The following CDH9 variants were observed in gnomAD, a reference collection of about 807,000 sequenced individuals.
CDH9 encodes cadherin 9.
Under a neutral mutation model 70.9 loss-of-function variants are expected in CDH9, and 28 were observed. The ratio of observed to expected loss-of-function variants is 0.40; its 90% CI spans 0.29 to 0.54. The LOEUF (loss-of-function observed/expected upper bound fraction) is 0.54, where lower values mean the gene tolerates loss of function less well. Among genes scored for constraint, CDH9 ranks in the 20% least tolerant of loss-of-function variants. The pLI is 0.59. For missense variants in CDH9, 874 were observed against 984.4 expected, an observed-to-expected ratio of 0.89 and a Z score of 1.50; for synonymous variants, 409 against 343.1, an observed-to-expected ratio of 1.19 and a Z score of -2.12.
chr5:26,895,060 G>A (rs1262559593), intron 7 of CDH9, among the ~76,000 whole-genome samples: 1 of 151,952 alleles, frequency 6.6e-6, no homozygotes, highest in Non-Finnish European at 1.5e-5. Flanking sequence ...ATAGACACCA[G>A]AATAAATGAG....
chr5:26,948,573 CATGAGAGA>C (rs1460640763), intron 2 of CDH9, among the ~76,000 whole-genome samples: 2 of 152,124 alleles, frequency 1.3e-5, no homozygotes, highest in Non-Finnish European at 2.9e-5. Flanking sequence ...ACAGATGTAA[CATGAGAGA>C]ATGCATTTAC....
At chr5:26,897,223 C>A (rs777598932) in intron 7 of CDH9, among the ~76,000 whole-genome samples, 4 of 152,128 alleles carry the variant, frequency 2.6e-5, no homozygotes, top group Middle Eastern at 3.4e-3. Context: ...GGATTCACAG[C>A]CAAATTTTAC....
intron 2 of CDH9, among the ~76,000 whole-genome samples, chr5:26,939,697 T>C (rs1033961754): frequency 1.3e-5 from 2 of 152,098 alleles, no homozygotes; most frequent in African/African-American, 4.8e-5. Context: ...TTAGAAAATA[T>C]AAAAAACACA....
At chr5:26,929,720 T>C (rs1741407166) in intron 2 of CDH9, among the ~76,000 whole-genome samples, 1 of 152,122 alleles carries the variant, frequency 6.6e-6, no homozygotes. Flanking sequence ...GTCATTATGT[T>C]AAGTGGAATG....
intron 7 of CDH9, among the ~76,000 whole-genome samples, chr5:26,891,245 C>T (rs113860161): frequency 3.3e-5 from 5 of 152,206 alleles, no homozygotes; most frequent in African/African-American, 1.2e-4. Flanking sequence ...ATGTCTATAC[C>T]CTAATCCCCA....
intron 2 of CDH9, among the ~76,000 whole-genome samples, chr5:26,974,477 A>G (rs1277047632): frequency 6.6e-6 from 1 of 152,122 alleles, no homozygotes; most frequent in Non-Finnish European, 1.5e-5. Context: ...AGAGAATGTT[A>G]TAGTCCTGTG....
chr5:26,924,439 G>T (rs1288454394), intron 2 of CDH9, among the ~76,000 whole-genome samples: 1 of 151,126 alleles, frequency 6.6e-6, no homozygotes, highest in Non-Finnish European at 1.5e-5. Flanking sequence ...CAAGATCAAT[G>T]ACTTCACTGC....
chr5:26,893,116 A>G (rs1193841872), intron 7 of CDH9, among the ~76,000 whole-genome samples: 1 of 152,200 alleles, frequency 6.6e-6, no homozygotes, highest in Non-Finnish European at 1.5e-5. Flanking sequence ...TTATTAAAGG[A>G]CATACTATTT....
At chr5:26,938,909 A>C (rs926387155) in intron 2 of CDH9, among the ~76,000 whole-genome samples, 4 of 152,256 alleles carry the variant, frequency 2.6e-5, no homozygotes, top group African/African-American at 9.6e-5. Context: ...GATTTATAAG[A>C]GTAACTCAGA....
chr5:26,952,074 G>A (rs1287237679), intron 2 of CDH9, among the ~76,000 whole-genome samples: 3 of 150,022 alleles, frequency 2.0e-5, no homozygotes, highest in Non-Finnish European at 3.0e-5. Context: ...TCCGCCTCTC[G>A]GGTTCAAGCC....
intron 1 of CDH9, among the ~76,000 whole-genome samples, chr5:27,020,514 G>T (rs1229353394): frequency 6.6e-6 from 1 of 151,520 alleles, no homozygotes; most frequent in Non-Finnish European, 1.5e-5. Context: ...AATTATTTTA[G>T]TGTTAGTACT....
intron 2 of CDH9, among the ~76,000 whole-genome samples, chr5:26,937,469 T>C (rs1240339753): frequency 6.6e-6 from 1 of 152,130 alleles, no homozygotes; most frequent in Non-Finnish European, 1.5e-5. Flanking sequence ...GTGAGTTTCC[T>C]ACAAAGCTAA....
At chr5:26,957,052 G>T (rs1741958918) in intron 2 of CDH9, among the ~76,000 whole-genome samples, 1 of 139,172 alleles carries the variant, frequency 7.2e-6, no homozygotes, top group South Asian at 2.3e-4. Context: ...TTGATACCCT[G>T]AGTATTTATT....
At chr5:26,884,208 A>G (rs1014963598) in intron 11 of CDH9, among the ~76,000 whole-genome samples, 2 of 152,160 alleles carry the variant, frequency 1.3e-5, no homozygotes, top group Non-Finnish European at 1.5e-5. Context: ...GGATTTCTGC[A>G]TAGAAAAAAA....
chr5:27,010,089 C>T (rs1742931553), intron 1 of CDH9, among the ~76,000 whole-genome samples: 3 of 152,066 alleles, frequency 2.0e-5, no homozygotes, highest in Admixed American at 2.0e-4. Flanking sequence ...GATATGAGAT[C>T]TATCCTGTTA....
intron 2 of CDH9, among the ~76,000 whole-genome samples, chr5:26,926,217 T>C (rs1377773679): frequency 6.6e-6 from 1 of 152,142 alleles, no homozygotes; most frequent in Non-Finnish European, 1.5e-5. Context: ...CTAAATCTCC[T>C]TAAGCCGATA....
At chr5:26,967,062 A>G (rs1435989276) in intron 2 of CDH9, among the ~76,000 whole-genome samples, 1 of 152,070 alleles carries the variant, frequency 6.6e-6, no homozygotes, top group Admixed American at 6.6e-5. Context: ...CCTTCCAAGT[A>G]GCTGGGACCA....
chr5:27,034,830 G>C (rs567155564), intron 1 of CDH9, among the ~76,000 whole-genome samples: 1 of 151,756 alleles, frequency 6.6e-6, no homozygotes, highest in East Asian at 2.0e-4. Flanking sequence ...GCATTAACAT[G>C]TTAGGGCTGT....
intron 2 of CDH9, among the ~76,000 whole-genome samples, chr5:26,946,108 T>C (rs1416899449): frequency 2.0e-5 from 3 of 152,174 alleles, no homozygotes; most frequent in Non-Finnish European, 4.4e-5. Flanking sequence ...AGCTACATAA[T>C]GATCTGAGTA....
Sources: gnomAD v4.1 joint callset for allele counts (sites outside exome capture counted in the v4.1 genomes callset) on GRCh38, gnomAD v4.1.1 for gene constraint, MANE v1.5 for transcripts, NCBI Gene and HGNC (gene_info 2026-07-23, HGNC 2026-07-21) for gene names.